Variants in KCNMA1 observed in about 807,000 individuals in gnomAD.
KCNMA1 encodes the protein potassium calcium-activated channel subfamily M alpha 1, also known as Calcium-activated potassium channel subunit alpha-1.
Under a neutral mutation model 140.0 loss-of-function variants are expected in KCNMA1, and 29 were observed. The ratio of observed to expected loss-of-function variants is 0.21; its 90% CI spans 0.15 to 0.28. The LOEUF (loss-of-function observed/expected upper bound fraction) is 0.28. KCNMA1 is among the 10% of genes least tolerant of loss of function. The pLI is 1.00. For missense variants in KCNMA1, 880 were observed against 1,602.2 expected (o/e 0.55, Z 7.70); for synonymous variants, 612 against 611.9 (o/e 1.00, Z 0.00).
At chr10:77,134,825 C>T (rs548016083) in intron 5 of KCNMA1, among the ~76,000 whole-genome samples, 220 of 151,272 alleles carry the variant, frequency 1.5e-3, no homozygotes, top group African/African-American at 4.0e-3. Context: ...GGTGAAACCC[C>T]GTCTCTACTA....
rs964614950 is a variant in KCNMA1 at position 77,523,212 on chromosome 10, C to G, written c.378+114053G>C. On this transcript the variant is annotated intron_variant, in intron 1 of 27. Coordinates refer to ENST00000286628, the MANE Select transcript of KCNMA1 (RefSeq NM_001161352.2). ...ACTCAACCTTGGACGTGCCCCCCCC[C>G]CTTGCAATCACACCACAGAACCGCA... is the stretch of plus-strand genomic sequence containing the variant. Among the ~76,000 whole-genome samples the G allele has an allele frequency of 3.3e-5, 5 of 150,494 alleles. No homozygotes were observed. The South Asian group carries it at 6.4e-4, about 19-fold the overall frequency.
chr10:77,337,553 G>A (rs907609997), intron 2 of KCNMA1, among the ~76,000 whole-genome samples: 15 of 152,266 alleles, frequency 9.9e-5, no homozygotes, highest in African/African-American at 3.6e-4. Flanking sequence ...CCGAGAGGCG[G>A]AGGTTGTAGT....
intron 1 of KCNMA1, among the ~76,000 whole-genome samples, chr10:77,437,577 G>A (rs989042327): frequency 6.6e-6 from 1 of 152,148 alleles, no homozygotes; most frequent in African/African-American, 2.4e-5. Context: ...CTTGGTTTGT[G>A]ATAATTTTAT....
chr10:77,352,636 G>A (rs1158135864), intron 2 of KCNMA1, among the ~76,000 whole-genome samples: 3 of 151,656 alleles, frequency 2.0e-5, no homozygotes, highest in African/African-American at 7.2e-5. Flanking sequence ...GTGTGTGTGT[G>A]TGTGTGTGTG....
chr10:76,949,871 C>T (rs1275765638), intron 21 of KCNMA1, among the ~76,000 whole-genome samples: 2 of 152,034 alleles, frequency 1.3e-5, no homozygotes, highest in African/African-American at 2.4e-5. Flanking sequence ...GTGAGATGTC[C>T]GTGCATCAGC....
At chr10:77,440,781 G>T (rs1301799905) in intron 1 of KCNMA1, among the ~76,000 whole-genome samples, 1 of 152,126 alleles carries the variant, frequency 6.6e-6, no homozygotes, top group African/African-American at 2.4e-5. Context: ...AGAGAGTAGG[G>T]CAGAAAGCAT....
chr10:77,593,646 T>C (rs1367825088), intron 1 of KCNMA1, among the ~76,000 whole-genome samples: 1 of 152,182 alleles, frequency 6.6e-6, no homozygotes, highest in Non-Finnish European at 1.5e-5. Flanking sequence ...GTAGGAAAAA[T>C]GTTATTTCTT....
chr10:76,896,786 A>C (rs2042690661), intron 25 of KCNMA1, among the ~76,000 whole-genome samples: 1 of 152,100 alleles, frequency 6.6e-6, no homozygotes, highest in African/African-American at 2.4e-5. Context: ...ACTAAAATAC[A>C]AAGTTTCTTT....
At chr10:77,547,161 A>G (rs1252088070) in intron 1 of KCNMA1, among the ~76,000 whole-genome samples, 1 of 152,180 alleles carries the variant, frequency 6.6e-6, no homozygotes, top group Non-Finnish European at 1.5e-5. Flanking sequence ...GTTTACTAGG[A>G]GTGTTCAAAT....
chr10:77,480,907 CG>C (rs1453956164), intron 1 of KCNMA1, among the ~76,000 whole-genome samples: 1 of 150,154 alleles, frequency 6.7e-6, no homozygotes, highest in East Asian at 2.0e-4. Context: ...GTCAGGAGTT[CG>C]AGACCAGCCT....
chr10:77,507,121 G>T (rs2046427697), intron 1 of KCNMA1, among the ~76,000 whole-genome samples: 1 of 152,166 alleles, frequency 6.6e-6, no homozygotes, highest in Non-Finnish European at 1.5e-5. Context: ...TGTTTCCATA[G>T]TCTATAAAAC....
chr10:77,194,845 A>G (rs191886008), intron 3 of KCNMA1, among the ~76,000 whole-genome samples: 3 of 152,294 alleles, frequency 2.0e-5, no homozygotes, highest in Admixed American at 2.0e-4. Flanking sequence ...CTGGAAAAAA[A>G]AATAATTATG....
intron 3 of KCNMA1, among the ~76,000 whole-genome samples, chr10:77,207,259 T>C (rs1408068671): frequency 6.6e-6 from 1 of 152,198 alleles, no homozygotes; most frequent in Non-Finnish European, 1.5e-5. Context: ...ACTTAAAGTA[T>C]CTTTACAATG....
intron 2 of KCNMA1, among the ~76,000 whole-genome samples, chr10:77,366,103 GTTCT>G (rs1566297178): frequency 3.0e-5 from 3 of 99,966 alleles, no homozygotes; most frequent in Non-Finnish European, 2.2e-5. Flanking sequence ...TACTATGCAT[GTTCT>G]TTCTTTCTTT....
intron 25 of KCNMA1, chr10:76,904,706 G>A (rs2047085755): frequency 6.6e-6 from 1 of 152,156 alleles, no homozygotes; most frequent in Non-Finnish European, 1.5e-5. Context: ...CGATGGTTCA[G>A]TGTGATTGGT....
chr10:76,966,118 C>T (rs1030049744), intron 20 of KCNMA1, among the ~76,000 whole-genome samples: 3 of 152,124 alleles, frequency 2.0e-5, no homozygotes, highest in African/African-American at 7.2e-5. Flanking sequence ...GGGTGCTAGA[C>T]TTTAGATTCC....
chr10:76,974,898 G>A (rs1035181104), intron 19 of KCNMA1, among the ~76,000 whole-genome samples: 10 of 152,082 alleles, frequency 6.6e-5, no homozygotes, highest in Non-Finnish European at 1.3e-4. Flanking sequence ...TTAGCAGCAG[G>A]ATCAGACCCA....
At chr10:77,307,339 T>C (rs2078038076) in intron 2 of KCNMA1, among the ~76,000 whole-genome samples, 1 of 152,138 alleles carries the variant, frequency 6.6e-6, no homozygotes. Context: ...ATTTTTTGAG[T>C]TTACAATACT....
At chr10:77,224,177 G>T (rs1221535738) in intron 3 of KCNMA1, among the ~76,000 whole-genome samples, 2 of 152,218 alleles carry the variant, frequency 1.3e-5, no homozygotes, top group Non-Finnish European at 2.9e-5. Context: ...CCTTACATGT[G>T]TCTGCTCCCA....
Sources: gnomAD v4.1 joint callset for allele counts (sites outside exome capture counted in the v4.1 genomes callset) on GRCh38, gnomAD v4.1.1 for gene constraint, MANE v1.5 for transcripts, NCBI Gene and HGNC (gene_info 2026-07-23, HGNC 2026-07-21) for gene names.